The following BCLAF3 variants were observed in gnomAD, a reference collection of about 807,000 sequenced individuals.
BCLAF3 encodes the protein BCLAF1 and THRAP3 family member 3.
BCLAF3 carries 24 observed loss-of-function variants against 51.2 expected under a neutral mutation model. That is an observed-to-expected ratio of 0.47 (90% CI 0.34 to 0.66). The LOEUF is 0.66. Among genes scored for constraint, BCLAF3 ranks in the 30% least tolerant of loss-of-function variants. The pLI is 0.01. For synonymous variants in BCLAF3, 152 were observed against 176.6 expected (o/e 0.86, Z 1.10); for missense variants, 465 against 525.1 (o/e 0.89, Z 1.12).
chrX:19,919,373 C>A (rs756017737), intron 11 of BCLAF3, among the ~76,000 whole-genome samples: 2 of 104,264 alleles, frequency 1.9e-5, no homozygotes, highest in African/African-American at 7.3e-5. Flanking sequence ...GGTGAAACCC[C>A]GCCTCTACTA....
At chrX:19,984,676 A>G (rs757934520) in intron 1 of BCLAF3, among the ~76,000 whole-genome samples, 1 of 111,594 alleles carries the variant, frequency 9.0e-6, no homozygotes, top group Non-Finnish European at 1.9e-5. Context: ...GGTATTTTAG[A>G]ACTAAAATTA....
intron 1 of BCLAF3, among the ~76,000 whole-genome samples, chrX:19,976,448 T>A (rs2072425705): frequency 9.0e-6 from 1 of 111,532 alleles, no homozygotes; most frequent in South Asian, 3.7e-4. Context: ...TGGAGTGCAG[T>A]GGTGCAATCT....
At chrX:19,945,904 T>A (rs2147855413) in intron 8 of BCLAF3, among the ~76,000 whole-genome samples, 1 of 107,643 alleles carries the variant, frequency 9.3e-6, no homozygotes, top group East Asian at 2.9e-4. Context: ...GATCTCAGAC[T>A]GCTGTGCTAG....
intron 11 of BCLAF3, among the ~76,000 whole-genome samples, chrX:19,922,358 A>T (rs1488271219): frequency 9.0e-6 from 1 of 111,709 alleles, no homozygotes; most frequent in African/African-American, 3.3e-5. Flanking sequence ...CTCAGCACTT[A>T]TATCTATAAA....
In BCLAF3 at chrX:19,950,803, C is replaced by G; in HGVS notation, c.1695G>C (p.Arg565=). Residue 565 remains arginine, a synonymous_variant, in exon 8 of 12, where the codon CGG becomes CGC. Transcript: ENST00000379682. ...RHDIERRRKE[R]LQNEDEHIFH... is the part of the protein sequence containing the mutation. Reference sequence around the variant, plus strand: ...AAATGTGCTCATCTTCATTCTGTAACCGTTCTTTTCGCCTTCTTTCAATGT... The same window carrying G: ...AAATGTGCTCATCTTCATTCTGTAAGCGTTCTTTTCGCCTTCTTTCAATGT... 1 of 1,210,562 alleles carries G rather than the reference C, an allele frequency of 8.3e-7. No homozygotes were observed. The highest frequency in any genetic ancestry group is 3.0e-5 in the East Asian group (1 of 33,772).
At chrX:19,926,916 C>A (rs2070375022) in intron 11 of BCLAF3, among the ~76,000 whole-genome samples, 1 of 111,464 alleles carries the variant, frequency 9.0e-6, no homozygotes, top group African/African-American at 3.3e-5. Flanking sequence ...GAAAATGATT[C>A]CATTGACACT....
chrX:19,936,850 G>A (rs745983722), intron 9 of BCLAF3, among the ~76,000 whole-genome samples: 1 of 110,819 alleles, frequency 9.0e-6, no homozygotes, highest in South Asian at 3.8e-4. Flanking sequence ...GTTCATATTG[G>A]GTAATGAAAA....
chrX:19,920,800 G>A (rs1326913424), intron 11 of BCLAF3, among the ~76,000 whole-genome samples: 1 of 104,723 alleles, frequency 9.5e-6, no homozygotes, highest in Middle Eastern at 4.8e-3. Flanking sequence ...CAGCCTGGGC[G>A]ACAGAGTGAG....
At chrX:19,961,520 A>G (rs1486631604) in intron 4 of BCLAF3, among the ~76,000 whole-genome samples, 1 of 112,549 alleles carries the variant, frequency 8.9e-6, no homozygotes, top group Non-Finnish European at 1.9e-5. Context: ...TCCAAAAAAA[A>G]GCAGATAAAC....
chrX:19,938,061 T>TC (rs1217446336), intron 8 of BCLAF3, among the ~76,000 whole-genome samples: 2 of 110,936 alleles, frequency 1.8e-5, no homozygotes, highest in African/African-American at 6.6e-5. Context: ...GCCTCCTCTC[T>TC]CCCGTCATCA....
At chrX:19,936,771 T>C (rs1247580740) in intron 9 of BCLAF3, among the ~76,000 whole-genome samples, 2 of 111,801 alleles carry the variant, frequency 1.8e-5, no homozygotes, top group African/African-American at 3.3e-5. Flanking sequence ...AAAAGGCAAA[T>C]CTTTAAGACA....
chrX:19,965,164 G>T lies in BCLAF3; in HGVS notation c.1154C>A (p.Ser385Tyr), dbSNP rs761787874. The T allele has an allele frequency of 8.3e-6, 10 of 1,205,658 alleles. No individual in the cohort carries two copies. The highest frequency in any genetic ancestry group is 1.1e-5 in the Non-Finnish European group (10 of 894,161). Residue 385 changes from serine to tyrosine, a missense_variant, in exon 4 of 12, where the codon TCT becomes TAT. By Grantham distance (144) the Ser-to-Tyr change is moderately radical. Transcript: ENST00000379682. ...ACTTTTATCAAGTTGGTTACTGGAA[G>T]AATTGCTCTCTTTTCTACAATCCCC... ...KEGDCRKESN[S>Y]SSNQLDKSQK...
At position 19,953,069 on chromosome X, in the gene BCLAF3, T is replaced by G; in HGVS notation, c.1566-18A>C. ...CTATTCTCCTAAAATAATAAAGGCATAGTACAACTAAATAATTATGTTATA... is the reference window on the plus strand; with the variant it reads ...CTATTCTCCTAAAATAATAAAGGCAGAGTACAACTAAATAATTATGTTATA... On this transcript the variant is annotated intron_variant, in intron 6 of 11. Transcript: ENST00000379682. 8.9e-7 allele frequency: 1 copy of G among 1,124,970 alleles called. No individual in the cohort carries two copies. Among genetic ancestry groups the G allele is most frequent in the East Asian group, 3.0e-5 (1 of 33,435 alleles). The allele number at this position is 1,124,970 out of a possible 1,213,427, so 92.7% of individuals were successfully genotyped here. A position where few individuals can be genotyped will look rare whatever the true frequency, so the allele number is the denominator to read the frequency against.
chrX:19,916,164 C>T lies in BCLAF3; in HGVS notation c.*1141G>A, dbSNP rs1008524539. Reference sequence around the variant, plus strand: ...CTGTCTTTGTAAGCACAGAACAGTGCTTTAAACACTGTTTAAACAGAGGTG... The same window carrying T: ...CTGTCTTTGTAAGCACAGAACAGTGTTTTAAACACTGTTTAAACAGAGGTG... On this transcript the variant is annotated 3_prime_UTR_variant, in exon 12 of 12. Coordinates refer to ENST00000379682, the MANE Select transcript of BCLAF3 (RefSeq NM_001367774.2). 4 of 112,518 alleles carry T rather than the reference C, an allele frequency of 3.6e-5. No homozygotes were observed. Among genetic ancestry groups the T allele is most frequent in the Non-Finnish European group, 7.5e-5 (4 of 53,200 alleles). The allele number at this position is 112,518 out of a possible 1,213,427, so 9.3% of individuals were successfully genotyped here.
At chrX:19,966,720 A>G in intron 2 of BCLAF3, 71 bp from the exon 3 acceptor site, 1 of 931,462 alleles carries the variant, frequency 1.1e-6, no homozygotes, top group Non-Finnish European at 1.5e-6. Context: ...ACCTACCAAA[A>G]ACAGTTGCTT....
chrX:19,988,144 G>A (rs1259243929), intron 1 of BCLAF3, among the ~76,000 whole-genome samples: 1 of 112,099 alleles, frequency 8.9e-6, no homozygotes, highest in East Asian at 2.8e-4. Context: ...CCTGGATAAT[G>A]TAGCCTGCAG....
chrX:19,947,794 G>C (rs2071359615), intron 8 of BCLAF3, among the ~76,000 whole-genome samples: 1 of 112,438 alleles, frequency 8.9e-6, no homozygotes, highest in Non-Finnish European at 1.9e-5. Flanking sequence ...AGCAAACACA[G>C]ACAGAAAGGC....
In BCLAF3 at chrX:19,966,501, G is replaced by A. The variant is rs1303751891; in HGVS notation, c.190C>T (p.Pro64Ser). Reference protein sequence around the residue: ...EKHGQSKPRIPSRGNIYYQSY... With the variant: ...EKHGQSKPRISSRGNIYYQSY... ...TGGTAATATATATTTCCACGAGAGG[G>A]AATCCTTGGTTTACTCTGTCCATGT... The change falls in exon 3 of 12, where the codon CCC becomes TCC. Residue 64 changes from proline to serine, a missense_variant. Transcript: ENST00000379682. 1 of 1,209,198 alleles carries A rather than the reference G, an allele frequency of 8.3e-7. No individual in the cohort carries two copies. Among genetic ancestry groups the A allele is most frequent in the Non-Finnish European group, 1.1e-6 (1 of 894,963 alleles).
intron 10 of BCLAF3, among the ~76,000 whole-genome samples, chrX:19,931,672 G>A (rs1200922318): frequency 2.7e-5 from 3 of 112,099 alleles, no homozygotes; most frequent in African/African-American, 9.7e-5. Context: ...GAAAGACTTT[G>A]GTGACCCAGC....
Sources: gnomAD v4.1 joint callset for allele counts (sites outside exome capture counted in the v4.1 genomes callset) on GRCh38, gnomAD v4.1.1 for gene constraint, MANE v1.5 for transcripts, NCBI Gene and HGNC (gene_info 2026-07-23, HGNC 2026-07-21) for gene names.